WWOX: variants seen among roughly 807,000 people sequenced by gnomAD.
WWOX encodes WW domain containing oxidoreductase, also known as WW domain-containing oxidoreductase.
A neutral mutation model predicts 46.2 loss-of-function variants in WWOX; 69 were observed. The ratio of observed to expected loss-of-function variants is 1.49; its 90% confidence interval spans 1.23 to 1.82. The LOEUF (loss-of-function observed/expected upper bound fraction) is 1.82. Among genes scored for constraint, WWOX ranks in the 40% most tolerant of loss-of-function variants. WWOX has a pLI of 0.00. For missense variants in WWOX, 919 were observed against 542.6 expected (o/e 1.69, Z -6.89); for synonymous variants, 359 against 202.6 (o/e 1.77, Z -6.56).
intron 8 of WWOX, among the ~76,000 whole-genome samples, chr16:78,515,002 C>T (rs1478401677): frequency 6.6e-6 from 1 of 152,056 alleles, no homozygotes; most frequent in African/African-American, 2.4e-5. Flanking sequence ...GGTGGATCAC[C>T]TGAAGTCAGG....
At chr16:78,519,765 C>T (rs376675486) in intron 8 of WWOX, among the ~76,000 whole-genome samples, 46 of 152,218 alleles carry the variant, frequency 3.0e-4, no homozygotes, top group African/African-American at 9.6e-4. Flanking sequence ...CAAGCAGGTG[C>T]CATCTATGAG....
chr16:78,840,620 A>T (rs1597703502), intron 8 of WWOX, among the ~76,000 whole-genome samples: 1 of 152,094 alleles, frequency 6.6e-6, no homozygotes, highest in South Asian at 2.1e-4. Context: ...TCCAAATGTG[A>T]TGTCCTCATA....
chr16:78,861,338 T>G (rs1417539129), intron 8 of WWOX, among the ~76,000 whole-genome samples: 3 of 152,356 alleles, frequency 2.0e-5, no homozygotes, highest in Middle Eastern at 6.8e-3. Context: ...TTATTCACAC[T>G]GGCTTTAAAA....
chr16:79,134,968 A>T (rs951036749), intron 8 of WWOX, among the ~76,000 whole-genome samples: 3 of 152,240 alleles, frequency 2.0e-5, no homozygotes. Flanking sequence ...CAGGAGCTAC[A>T]TACATTTGAA....
At chr16:78,394,370 C>A (rs538591801) in intron 6 of WWOX, among the ~76,000 whole-genome samples, 61 of 152,218 alleles carry the variant, frequency 4.0e-4, no homozygotes, top group African/African-American at 1.4e-3. Flanking sequence ...GAAAAGTCTA[C>A]AAGTTAAATT....
chr16:79,030,035 A>T (rs1597300849), intron 8 of WWOX, among the ~76,000 whole-genome samples: 1 of 152,188 alleles, frequency 6.6e-6, no homozygotes, highest in African/African-American at 2.4e-5. Flanking sequence ...AGTCCAAATA[A>T]AGAATGGTTT....
At chr16:78,599,292 C>T (rs1387465836) in intron 8 of WWOX, among the ~76,000 whole-genome samples, 1 of 152,186 alleles carries the variant, frequency 6.6e-6, no homozygotes, top group African/African-American at 2.4e-5. Context: ...CGGGATCTCT[C>T]AGGGGCTTTA....
intron 6 of WWOX, among the ~76,000 whole-genome samples, chr16:78,410,511 T>A (rs1324710711): frequency 6.6e-6 from 1 of 152,034 alleles, no homozygotes; most frequent in Non-Finnish European, 1.5e-5. Context: ...TGGGCTGCAA[T>A]CAAGATGTCA....
chr16:79,084,254 C>A (rs1025868450), intron 8 of WWOX, among the ~76,000 whole-genome samples: 1 of 152,106 alleles, frequency 6.6e-6, no homozygotes, highest in Non-Finnish European at 1.5e-5. Flanking sequence ...TGAGGAAGGA[C>A]ACTGACTGTG....
chr16:78,121,803 A>G (rs886366693), intron 4 of WWOX, among the ~76,000 whole-genome samples: 1 of 151,944 alleles, frequency 6.6e-6, no homozygotes, highest in Non-Finnish European at 1.5e-5. Context: ...CTGGGATTAC[A>G]GGTGCACACC....
intron 5 of WWOX, among the ~76,000 whole-genome samples, chr16:78,326,481 T>G (rs998471823): frequency 3.7e-4 from 56 of 149,568 alleles, no homozygotes; most frequent in African/African-American, 1.4e-3. Context: ...AGTAAAGGAA[T>G]GTAAATACTA....
At chr16:79,045,366 C>T (rs902840632) in intron 8 of WWOX, among the ~76,000 whole-genome samples, 1 of 152,100 alleles carries the variant, frequency 6.6e-6, no homozygotes, top group Non-Finnish European at 1.5e-5. Context: ...CCCAGTTGTC[C>T]AGCTTGTAGC....
intron 5 of WWOX, among the ~76,000 whole-genome samples, chr16:78,227,799 C>T (rs1447329193): frequency 2.0e-5 from 3 of 152,158 alleles, no homozygotes; most frequent in African/African-American, 7.2e-5. Context: ...ATCGCTTGAA[C>T]TCGGGAGGCG....
intron 8 of WWOX, among the ~76,000 whole-genome samples, chr16:78,894,133 G>A (rs1416141171): frequency 2.0e-5 from 3 of 151,428 alleles, no homozygotes; most frequent in Admixed American, 6.6e-5. Flanking sequence ...TGACCTCCTG[G>A]GCTCAAGCAA....
At chr16:78,099,934 C>G in intron 1 of WWOX, 49 bp downstream of exon 1, 1 of 1,538,908 alleles carries the variant, frequency 6.5e-7, no homozygotes, top group Non-Finnish European at 8.8e-7. Flanking sequence ...CCCTGCACAG[C>G]CCACGGACGC....
At chr16:78,632,766 C>G (rs913556030) in intron 8 of WWOX, among the ~76,000 whole-genome samples, 6 of 151,824 alleles carry the variant, frequency 4.0e-5, no homozygotes, top group Middle Eastern at 3.4e-3. Flanking sequence ...CCATGTTGGT[C>G]AGACTGGTCT....
intron 8 of WWOX, among the ~76,000 whole-genome samples, chr16:78,994,005 C>T (rs1037157758): frequency 2.6e-5 from 4 of 152,178 alleles, no homozygotes; most frequent in African/African-American, 7.2e-5. Context: ...CCTGGAGCTA[C>T]GACGAGGGTA....
intron 8 of WWOX, among the ~76,000 whole-genome samples, chr16:78,602,162 G>A (rs763441272): frequency 1.8e-4 from 27 of 152,146 alleles, no homozygotes; most frequent in African/African-American, 5.8e-4. Flanking sequence ...GAGCATAGAG[G>A]ACTGTGAGAG....
intron 8 of WWOX, among the ~76,000 whole-genome samples, chr16:78,472,308 A>G (rs1022807432): frequency 6.6e-6 from 1 of 152,180 alleles, no homozygotes; most frequent in Admixed American, 6.5e-5. Flanking sequence ...CTCATAAGCC[A>G]AATGCTGCAT....
Sources: gnomAD v4.1 joint callset for allele counts (sites outside exome capture counted in the v4.1 genomes callset) on GRCh38, gnomAD v4.1.1 for gene constraint, MANE v1.5 for transcripts, NCBI Gene and HGNC (gene_info 2026-07-23, HGNC 2026-07-21) for gene names.